The following SLC1A1 variants were observed in gnomAD, a reference collection of about 807,000 sequenced individuals.
SLC1A1 encodes solute carrier family 1 member 1.
SLC1A1 carries 43 observed loss-of-function variants against 53.3 expected under a neutral mutation model. That is an observed-to-expected ratio of 0.81 (90% CI 0.63 to 1.04). The LOEUF (loss-of-function observed/expected upper bound fraction) is 1.04, where lower values mean the gene tolerates loss of function less well. Among genes scored for constraint, SLC1A1 ranks in the 50% least tolerant of loss-of-function variants. The probability of loss-of-function intolerance (pLI) is 0.00; values close to 1 mark genes in which losing one functional copy is unlikely to be tolerated. For missense variants in SLC1A1, 748 were observed against 664.9 expected (o/e 1.12, Z -1.37); for synonymous variants, 307 against 243.2 (o/e 1.26, Z -2.44).
At chr9:4,582,354 G>C (rs1327380019) in intron 10 of SLC1A1, among the ~76,000 whole-genome samples, 1 of 152,194 alleles carries the variant, frequency 6.6e-6, no homozygotes, top group African/African-American at 2.4e-5. Flanking sequence ...GAGCAGTCAG[G>C]AGTAAATGCT....
intron 2 of SLC1A1, among the ~76,000 whole-genome samples, chr9:4,551,637 A>G (rs1817939161): frequency 6.6e-6 from 1 of 152,230 alleles, no homozygotes; most frequent in South Asian, 2.1e-4. Context: ...TCCATTATAC[A>G]GTTTAGTTTC....
intron 3 of SLC1A1, 85 bp from the exon 4 acceptor site, chr9:4,564,259 C>T (rs771495662): frequency 1.1e-6 from 1 of 908,718 alleles, no homozygotes; most frequent in Non-Finnish European, 1.8e-6. Flanking sequence ...CCTGGTACAA[C>T]CATGCCCATT....
intron 1 of SLC1A1, among the ~76,000 whole-genome samples, chr9:4,493,391 T>G (rs1158664690): frequency 6.6e-6 from 1 of 152,216 alleles, no homozygotes; most frequent in African/African-American, 2.4e-5. Context: ...TTCCAGTGAC[T>G]TATAACAGTG....
intron 4 of SLC1A1, 113 bp downstream of exon 4, chr9:4,564,571 T>C (rs2129703564): frequency 1.3e-6 from 1 of 751,168 alleles, no homozygotes; most frequent in African/African-American, 1.7e-5. Context: ...AACTTTTGAA[T>C]TATTGTGCAC....
chr9:4,505,187 C>G (rs1820763855), intron 1 of SLC1A1, among the ~76,000 whole-genome samples: 1 of 150,956 alleles, frequency 6.6e-6, no homozygotes, highest in Middle Eastern at 3.2e-3. Flanking sequence ...GCTGGGATTA[C>G]AGATGTGCAA....
At chr9:4,572,499 CA>C (rs1481073254) in intron 7 of SLC1A1, 111 bp downstream of exon 7, 4 of 966,160 alleles carry the variant, frequency 4.1e-6, no homozygotes, top group Non-Finnish European at 6.7e-6. Flanking sequence ...AGAAGTTGGA[CA>C]TTTAATATTG....
intron 1 of SLC1A1, among the ~76,000 whole-genome samples, chr9:4,511,252 C>A (rs1043217232): frequency 6.6e-6 from 1 of 152,100 alleles, no homozygotes; most frequent in East Asian, 1.9e-4. Flanking sequence ...CCAGGATGTC[C>A]AAGATCAAGG....
chr9:4,580,886 A>T (rs900004768), intron 10 of SLC1A1, among the ~76,000 whole-genome samples: 6 of 152,160 alleles, frequency 3.9e-5, no homozygotes, highest in African/African-American at 1.4e-4. Context: ...CACGTTTTTA[A>T]TCTTTTTGTT....
intron 6 of SLC1A1, among the ~76,000 whole-genome samples, chr9:4,571,993 A>T (rs1444277489): frequency 6.6e-6 from 1 of 152,218 alleles, no homozygotes; most frequent in Non-Finnish European, 1.5e-5. Context: ...AAAGAAGAGA[A>T]AGCATTTTAA....
chr9:4,498,319 T>C (rs945915315), intron 1 of SLC1A1, among the ~76,000 whole-genome samples: 1 of 152,240 alleles, frequency 6.6e-6, no homozygotes, highest in Non-Finnish European at 1.5e-5. Context: ...ATATGTTCTA[T>C]GTCAGTATTA....
chr9:4,534,675 C>A lies in SLC1A1; in HGVS notation c.92-9892C>A, dbSNP rs867426846. Among the ~76,000 whole-genome samples, 81 of 141,980 alleles carry A rather than the reference C, an allele frequency of 5.7e-4. 1 individual carries two copies. The highest frequency in any genetic ancestry group is 6.1e-4 in the Non-Finnish European group (39 of 63,976). 93.1% of individuals were successfully genotyped at this position (141,980 alleles called of 152,430 possible). ...CCATTCCTTCTGAAACTATTCCAAT[C>A]AATAGAAAAAGAGGGAATCCTCCCT... On this transcript the variant is annotated intron_variant, in intron 1 of 11. Coordinates refer to ENST00000262352, the MANE Select transcript of SLC1A1 (RefSeq NM_004170.6).
chr9:4,525,552 T>C (rs1392808618), intron 1 of SLC1A1, among the ~76,000 whole-genome samples: 2 of 151,992 alleles, frequency 1.3e-5, no homozygotes, highest in Non-Finnish European at 2.9e-5. Flanking sequence ...AAACTGGAGA[T>C]GATAGAACAG....
chr9:4,564,834 T>C (rs1358264181), intron 4 of SLC1A1, among the ~76,000 whole-genome samples: 1 of 152,094 alleles, frequency 6.6e-6, no homozygotes, highest in Non-Finnish European at 1.5e-5. Context: ...GGTCAGTCAA[T>C]AAAAAATACC....
At chr9:4,532,754 A>G (rs941930744) in intron 1 of SLC1A1, among the ~76,000 whole-genome samples, 1 of 152,150 alleles carries the variant, frequency 6.6e-6, no homozygotes, top group Non-Finnish European at 1.5e-5. Flanking sequence ...TCCAACACAC[A>G]TAATTGTCAG....
chr9:4,571,283 C>T (rs1276032569), intron 6 of SLC1A1, among the ~76,000 whole-genome samples: 3 of 151,374 alleles, frequency 2.0e-5, no homozygotes, highest in Non-Finnish European at 4.4e-5. Flanking sequence ...TTAATGGATA[C>T]TAGGCTTAAT....
At chr9:4,494,867 C>T (rs910172302) in intron 1 of SLC1A1, among the ~76,000 whole-genome samples, 1 of 152,118 alleles carries the variant, frequency 6.6e-6, no homozygotes, top group Non-Finnish European at 1.5e-5. Flanking sequence ...TCTCTCCAGA[C>T]CAGTTATGCC....
chr9:4,540,577 G>A (rs1345573936), intron 1 of SLC1A1, among the ~76,000 whole-genome samples: 2 of 152,188 alleles, frequency 1.3e-5, no homozygotes, highest in African/African-American at 4.8e-5. Flanking sequence ...TCAGGACTCT[G>A]CACGGAGTTC....
rs1009284905 is a variant in SLC1A1 at position 4,544,650 on chromosome 9, C to A, written c.175C>A (p.Leu59Ile). The change falls in exon 2 of 12, where the codon CTA (leucine) becomes ATA (isoleucine). Residue 59 changes from leucine to isoleucine, a missense_variant. By Grantham distance (5) the Leu-to-Ile change is conservative. Transcript: ENST00000262352. ...CTACTTTGCTTTTCCTGGAGAAATT[C>A]TAATGCGGATGCTGAAACTCATCAT... The part of the protein sequence containing the change: ...KFYFAFPGEI[L>I]MRMLKLIILP... The A allele has an allele frequency of 6.2e-7, 1 of 1,613,676 alleles. No individual in the cohort carries two copies. The highest frequency in any genetic ancestry group is 8.5e-7 in the Non-Finnish European group (1 of 1,179,596).
chr9:4,495,042 T>C (rs1378438593), intron 1 of SLC1A1, among the ~76,000 whole-genome samples: 1 of 152,198 alleles, frequency 6.6e-6, no homozygotes, highest in Non-Finnish European at 1.5e-5. Context: ...TTCCATTATC[T>C]AAAATCAGAA....
Sources: gnomAD v4.1 joint callset for allele counts (sites outside exome capture counted in the v4.1 genomes callset) on GRCh38, gnomAD v4.1.1 for gene constraint, MANE v1.5 for transcripts, NCBI Gene and HGNC (gene_info 2026-07-23, HGNC 2026-07-21) for gene names.